GPM6B: variants seen among roughly 807,000 people sequenced by gnomAD.
The protein encoded by GPM6B is neuronal membrane glycoprotein M6-b.
In GPM6B, 4 loss-of-function variants were observed where a neutral mutation model predicts 27.2. That is an observed-to-expected ratio of 0.15 (90% CI 0.07 to 0.34). GPM6B has a LOEUF of 0.34. Ranked by LOEUF, GPM6B falls within the 10% of genes least tolerant of loss-of-function variation. The pLI, the probability that GPM6B is intolerant of heterozygous loss-of-function variation, is 1.00. For missense variants in GPM6B, 183 were observed against 261.9 expected (o/e 0.70, Z 2.08); for synonymous variants, 124 against 103.1 (o/e 1.20, Z -1.23).
At position 13,847,278 on chromosome X, in the gene GPM6B, A is replaced by T. The variant is rs376731705; in HGVS notation, c.-197-61470T>A. 4.7e-3 allele frequency among the ~76,000 whole-genome samples: 522 copies of T among 111,785 alleles called. 5 individuals carry two copies. The highest frequency in any genetic ancestry group is 0.016 in the African/African-American group (497 of 30,811). ...AGGGAAACATGGCAATTTTTTAAAA[A>T]ATCCAAACAACTTTTAATTATTTAG... On this transcript the variant is annotated intron_variant, in intron 1 of 6. Transcript: ENST00000398361.
intron 1 of GPM6B, among the ~76,000 whole-genome samples, chrX:13,816,393 A>G: frequency 9.0e-6 from 1 of 111,222 alleles, no homozygotes. Flanking sequence ...TTAGAATAAG[A>G]AAATTAGAGA....
chrX:13,807,025 C>T (rs2049034495), intron 2 of GPM6B, among the ~76,000 whole-genome samples: 1 of 111,931 alleles, frequency 8.9e-6, no homozygotes, highest in South Asian at 3.7e-4. Flanking sequence ...CACACCTCAC[C>T]CAGATCCAGC....
intron 1 of GPM6B, among the ~76,000 whole-genome samples, chrX:13,909,037 A>G (rs1205772735): frequency 9.0e-6 from 1 of 111,190 alleles, no homozygotes; most frequent in African/African-American, 3.3e-5. Context: ...AAGATGGTAC[A>G]GAGGGTTCCC....
chrX:13,814,356 G>GA (rs925159601), intron 1 of GPM6B, among the ~76,000 whole-genome samples: 1 of 110,443 alleles, frequency 9.1e-6, no homozygotes, highest in Non-Finnish European at 1.9e-5. Context: ...AGAAACACAG[G>GA]AAAAAAAATA....
chrX:13,933,615 CGA>C (rs1193932820), intron 1 of GPM6B, among the ~76,000 whole-genome samples: 7 of 112,202 alleles, frequency 6.2e-5, no homozygotes, highest in South Asian at 7.4e-4. Flanking sequence ...GAGTGCCAAA[CGA>C]GAGAGTTTTT....
chrX:13,805,566 T>C (rs1384739172), intron 2 of GPM6B, among the ~76,000 whole-genome samples: 1 of 112,420 alleles, frequency 8.9e-6, no homozygotes, highest in Non-Finnish European at 1.9e-5. Flanking sequence ...TGGAGCCTCG[T>C]ATTTTTCTTC....
chrX:13,844,201 G>C (rs973629427), intron 1 of GPM6B, among the ~76,000 whole-genome samples: 3 of 112,003 alleles, frequency 2.7e-5, no homozygotes, highest in Non-Finnish European at 5.6e-5. Context: ...AAAATCAATT[G>C]ACTATAAACA....
At chrX:13,928,130 T>C (rs1175987250) in intron 1 of GPM6B, among the ~76,000 whole-genome samples, 1 of 112,408 alleles carries the variant, frequency 8.9e-6, no homozygotes, top group East Asian at 2.8e-4. Context: ...TACTGTATTA[T>C]TCCATTTATA....
intron 1 of GPM6B, among the ~76,000 whole-genome samples, chrX:13,829,312 C>T (rs1279152523): frequency 9.0e-6 from 1 of 111,713 alleles, no homozygotes; most frequent in Non-Finnish European, 1.9e-5. Context: ...GTTTCAGCTT[C>T]ATTGTCTACC....
chrX:13,787,511 G>A (rs748688816), intron 2 of GPM6B, among the ~76,000 whole-genome samples: 5 of 111,657 alleles, frequency 4.5e-5, no homozygotes, highest in Non-Finnish European at 9.4e-5. Flanking sequence ...AGCCGAGATT[G>A]CGCCACTGAA....
At chrX:13,887,254 G>A (rs1266483076) in intron 1 of GPM6B, among the ~76,000 whole-genome samples, 3 of 112,731 alleles carry the variant, frequency 2.7e-5, no homozygotes, top group Non-Finnish European at 5.6e-5. Flanking sequence ...AGAGGGAAGA[G>A]TTAAGTTAAT....
At chrX:13,841,395 T>C (rs1034056535) in intron 1 of GPM6B, among the ~76,000 whole-genome samples, 1 of 112,116 alleles carries the variant, frequency 8.9e-6, no homozygotes, top group Non-Finnish European at 1.9e-5. Flanking sequence ...TCCATCCCTC[T>C]GGATGTCTGT....
At chrX:13,890,683 G>A (rs1290578407) in intron 1 of GPM6B, among the ~76,000 whole-genome samples, 3 of 110,694 alleles carry the variant, frequency 2.7e-5, no homozygotes, top group Non-Finnish European at 3.8e-5. Flanking sequence ...AGGATGTTTA[G>A]TAGCACCCCT....
chrX:13,906,192 G>A (rs2050329583), intron 1 of GPM6B, among the ~76,000 whole-genome samples: 1 of 112,329 alleles, frequency 8.9e-6, no homozygotes, highest in South Asian at 3.7e-4. Flanking sequence ...TCCAGCAGCT[G>A]CTTTTGTTTT....
chrX:13,923,114 T>C (rs903453873), intron 1 of GPM6B, among the ~76,000 whole-genome samples: 1 of 110,205 alleles, frequency 9.1e-6, no homozygotes, highest in Non-Finnish European at 1.9e-5. Flanking sequence ...ACGCAGAGGT[T>C]GCAATAAGCT....
intron 2 of GPM6B, among the ~76,000 whole-genome samples, chrX:13,806,215 T>C (rs906186397): frequency 9.8e-5 from 11 of 111,869 alleles, no homozygotes; most frequent in Non-Finnish European, 1.9e-4. Context: ...ACCATTAACC[T>C]ACTTCTTATC....
intron 1 of GPM6B, among the ~76,000 whole-genome samples, chrX:13,906,551 T>C (rs2050333204): frequency 8.9e-6 from 1 of 112,292 alleles, no homozygotes; most frequent in African/African-American, 3.2e-5. Context: ...TAATTGTGAT[T>C]AGATGAAATT....
chrX:13,846,638 C>A (rs1207245714), intron 1 of GPM6B, among the ~76,000 whole-genome samples: 2 of 109,261 alleles, frequency 1.8e-5, no homozygotes, highest in African/African-American at 6.7e-5. Context: ...CTACAGGCGC[C>A]CGCCACAATG....
rs1029986670 is a variant in GPM6B, at chrX:13,824,878, G to C, written c.-197-39070C>G. The stretch of plus-strand genomic sequence containing the variant: ...TCTCTCACAGTTCTGGAGCTGAGAA[G>C]TCCAAAGTCAAGGTGTGGGCGGGGC... On this transcript the variant is annotated intron_variant, in intron 1 of 6. Transcript: ENST00000398361. Among the ~76,000 whole-genome samples the C allele has an allele frequency of 1.2e-3, 134 of 112,249 alleles. 1 individual carries two copies. Among genetic ancestry groups the C allele is most frequent in the African/African-American group, 4.1e-3 (127 of 30,906 alleles).
Sources: allele counts gnomAD v4.1 joint callset (sites outside exome capture counted in the v4.1 genomes callset), GRCh38; gene constraint gnomAD v4.1.1; transcripts MANE v1.5; gene names NCBI Gene and HGNC (gene_info 2026-07-23, HGNC 2026-07-21).